The following MGAT4A variants were observed in gnomAD, a reference collection of about 807,000 sequenced individuals.
The protein encoded by MGAT4A is alpha-1,3-mannosyl-glycoprotein 4-beta-N-acetylglucosaminyltransferase A.
A neutral mutation model predicts 74.1 loss-of-function variants in MGAT4A; 33 were observed. That is an observed-to-expected ratio of 0.45 (90% CI 0.34 to 0.60). The LOEUF (loss-of-function observed/expected upper bound fraction) is 0.60. Among genes scored for constraint, MGAT4A ranks in the 20% least tolerant of loss-of-function variants. The pLI is 0.02. For synonymous variants in MGAT4A, 198 were observed against 210.4 expected (o/e 0.94, Z 0.51); for missense variants, 479 against 628.3 (o/e 0.76, Z 2.54).
Position 98,622,725 on chromosome 2 carries a change from G to A in MGAT4A, c.*2841C>T. On this transcript the variant is annotated 3_prime_UTR_variant, in exon 16 of 16. Transcript: ENST00000393487. The stretch of plus-strand genomic sequence containing the variant: ...ATAGGAGAGGACAGATGAGCAGTAT[G>A]AGCTGCAGGCTCGCCTCAGGAACCT... 1.3e-5 allele frequency: 13 copies of A among 985,820 alleles called. No individual in the cohort carries two copies. Among genetic ancestry groups the A allele is most frequent in the Non-Finnish European group, 1.6e-5 (13 of 830,240 alleles). The allele number at this position is 985,820 out of a possible 1,614,324, so 61.1% of individuals were successfully genotyped here.
intron 10 of MGAT4A, among the ~76,000 whole-genome samples, chr2:98,642,500 T>A (rs923804902): frequency 6.6e-6 from 1 of 152,232 alleles, no homozygotes; most frequent in Non-Finnish European, 1.5e-5. Context: ...AAAGTTCATG[T>A]ACCCAAATTT....
intron 2 of MGAT4A, among the ~76,000 whole-genome samples, chr2:98,723,710 T>C (rs13428808): frequency 0.19 from 28,250 of 152,178 alleles, 2,839 homozygotes; most frequent in South Asian, 0.23. Flanking sequence ...CGCAGGTCCC[T>C]GGACCTGATA....
rs967711131 is a variant in MGAT4A at position 98,619,840 on chromosome 2, G to A, written c.*5726C>T. 6.6e-6 allele frequency: 1 copy of A among 151,996 alleles called. No individual in the cohort carries two copies. The highest frequency in any genetic ancestry group is 2.4e-5 in the African/African-American group (1 of 41,378). The allele number at this position is 151,996 out of a possible 1,614,324, so 9.4% of individuals were successfully genotyped here. A position where few individuals can be genotyped will look rare whatever the true frequency, so the allele number is the denominator to read the frequency against. ...ATAAAATAGCCTCCCTAAAGTCCAA[G>A]AGTATTAAAATATTCCCCACAACAA... On this transcript the variant is annotated 3_prime_UTR_variant, in exon 16 of 16. Transcript: ENST00000393487.
intron 14 of MGAT4A, among the ~76,000 whole-genome samples, chr2:98,629,967 AC>A (rs1701204501): frequency 6.6e-6 from 1 of 152,076 alleles, no homozygotes; most frequent in Admixed American, 6.6e-5. Flanking sequence ...AAATGCTTGA[AC>A]CCAGGAGGCG....
intron 2 of MGAT4A, among the ~76,000 whole-genome samples, chr2:98,724,519 AAAG>A (rs906725275): frequency 5.2e-5 from 8 of 152,382 alleles, no homozygotes; most frequent in East Asian, 1.9e-4. Context: ...AGAAGTTTGC[AAAG>A]AAGAATTATG....
intron 13 of MGAT4A, among the ~76,000 whole-genome samples, 181 bp from the exon 14 acceptor site, chr2:98,635,469 A>C (rs1701305760): frequency 6.6e-6 from 1 of 152,238 alleles, no homozygotes; most frequent in Non-Finnish European, 1.5e-5. Context: ...TGTTTTCTTA[A>C]GCCATCGTTT....
rs373383226 is a variant in MGAT4A, at chr2:98,620,154, A to G, written c.*5412T>C. 6.6e-6 allele frequency: 1 copy of G among 152,262 alleles called. No homozygotes were observed. Among genetic ancestry groups the G allele is most frequent in the African/African-American group, 2.4e-5 (1 of 41,476 alleles). The allele number at this position is 152,262 out of a possible 1,614,324, so 9.4% of individuals were successfully genotyped here. On this transcript the variant is annotated 3_prime_UTR_variant, in exon 16 of 16. Transcript: ENST00000393487. ...TATAGGTGTTGATACAGATATGTAT[A>G]ACAAAATCCTCAGTTTGGTTGGGTC...
chr2:98,706,002 T>C (rs1008036562), intron 2 of MGAT4A, among the ~76,000 whole-genome samples: 5 of 151,366 alleles, frequency 3.3e-5, no homozygotes, highest in African/African-American at 1.2e-4. Flanking sequence ...ATTCCCATTA[T>C]TGAACACAGC....
chr2:98,639,773 A>G, intron 12 of MGAT4A, 35 bp downstream of exon 12: 1 of 1,537,014 alleles, frequency 6.5e-7, no homozygotes, highest in Non-Finnish European at 8.9e-7. Flanking sequence ...AGAGATCCAA[A>G]TTGTAAGATC....
At position 98,660,421 on chromosome 2, in the gene MGAT4A, CACACACACACACACACACA is replaced by C. The variant is rs1227794425; in HGVS notation, c.538-2176_538-2158del. The stretch of plus-strand genomic sequence containing the variant: ...ACACACACACACACACGCACGCGCA[CACACACACACACACACACA>C]CACACACACACACACACAACAAATA... On this transcript the variant is annotated intron_variant, in intron 5 of 15. Transcript: ENST00000393487. Among the ~76,000 whole-genome samples, 65 of 34,186 alleles carry C rather than the reference CACACACACACACACACACA, an allele frequency of 1.9e-3. No individual in the cohort carries two copies. The African/African-American group carries it at 0.039, about 20-fold the overall frequency. 22.4% of individuals were successfully genotyped at this position (34,186 alleles called of 152,430 possible).
At chr2:98,702,935 G>C (rs573812703) in intron 2 of MGAT4A, among the ~76,000 whole-genome samples, 1 of 152,140 alleles carries the variant, frequency 6.6e-6, no homozygotes, top group South Asian at 2.1e-4. Flanking sequence ...ATCCAGAACT[G>C]CATCAATATA....
chr2:98,723,983 T>C (rs1702723939), intron 2 of MGAT4A, among the ~76,000 whole-genome samples: 1 of 152,222 alleles, frequency 6.6e-6, no homozygotes. Flanking sequence ...TCTCCAATTG[T>C]TGTTATGAGG....
At chr2:98,698,852 GT>G (rs1234449346) in intron 2 of MGAT4A, among the ~76,000 whole-genome samples, 2 of 152,150 alleles carry the variant, frequency 1.3e-5, no homozygotes, top group Non-Finnish European at 2.9e-5. Context: ...TTCCTGTGAA[GT>G]TTTCTCTGAC....
At chr2:98,725,385 GA>G (rs1245649127) in intron 2 of MGAT4A, among the ~76,000 whole-genome samples, 1 of 151,822 alleles carries the variant, frequency 6.6e-6, no homozygotes, top group East Asian at 1.9e-4. Flanking sequence ...ACACACATCA[GA>G]AAAAAATAAG....
intron 2 of MGAT4A, among the ~76,000 whole-genome samples, chr2:98,701,654 A>G (rs1702357455): frequency 6.6e-6 from 1 of 152,184 alleles, no homozygotes; most frequent in African/African-American, 2.4e-5. Flanking sequence ...ATAAAATAAT[A>G]CCATGCCAAG....
intron 4 of MGAT4A, chr2:98,663,543 C>T: frequency 2.7e-6 from 3 of 1,113,726 alleles, no homozygotes; most frequent in South Asian, 2.2e-5. Context: ...ATGTGACATG[C>T]CGAGAAGAGC....
rs1012269414 is a variant in MGAT4A, at chr2:98,731,096, A to AGCCGCCGCCGCCGCT, written c.-299_-285dup. On this transcript the variant is annotated 5_prime_UTR_variant, in exon 1 of 16. Coordinates refer to ENST00000393487, the MANE Select transcript of MGAT4A (RefSeq NM_012214.3). The surrounding 1 kb of genome is among the most constrained non-coding windows in gnomAD (Gnocchi z 4.8). The stretch of plus-strand genomic sequence containing the variant: ...CCGCGGCTGCCGGCGGAGCTGCTGT[A>AGCCGCCGCCGCCGCT]GCCGCCGCCGCCGCTGCCGCCGCCG... 5.0e-4 allele frequency: 58 copies of AGCCGCCGCCGCCGCT among 114,860 alleles called. No individual in the cohort carries two copies. The highest frequency in any genetic ancestry group is 2.1e-3 in the African/African-American group (54 of 25,622). 7.1% of individuals were successfully genotyped at this position (114,860 alleles called of 1,614,324 possible).
At chr2:98,695,766 A>G (rs1702264316) in intron 2 of MGAT4A, among the ~76,000 whole-genome samples, 1 of 151,976 alleles carries the variant, frequency 6.6e-6, no homozygotes, top group African/African-American at 2.4e-5. Context: ...TAGAGGACAT[A>G]TTTGTATCTG....
chr2:98,625,627 T>A lies in MGAT4A; in HGVS notation c.1582-35A>T. ...AAAATCATAAAAGGTATGATAAAGCTGTTAATTCTCAATTCCAAAAAGGCC... is the reference window on the plus strand; with the variant it reads ...AAAATCATAAAAGGTATGATAAAGCAGTTAATTCTCAATTCCAAAAAGGCC... On this transcript the variant is annotated intron_variant, in intron 15 of 15. Coordinates refer to ENST00000393487, the MANE Select transcript of MGAT4A (RefSeq NM_012214.3). The A allele has an allele frequency of 2.5e-6, 4 of 1,581,684 alleles. No homozygotes were observed. In the South Asian group the frequency reaches 4.6e-5, roughly 18 times the overall value.
Sources: allele counts gnomAD v4.1 joint callset (sites outside exome capture counted in the v4.1 genomes callset), GRCh38; gene constraint gnomAD v4.1.1; non-coding constraint Gnocchi (gnomAD v3.1); transcripts MANE v1.5; gene names NCBI Gene and HGNC (gene_info 2026-07-23, HGNC 2026-07-21).